PLAC1: variants seen among roughly 807,000 people sequenced by gnomAD.
The protein encoded by PLAC1 is placenta-specific protein 1.
For missense variants in PLAC1, 136 were observed against 163.2 expected, an observed-to-expected ratio of 0.83 and a Z score of 0.91; for synonymous variants, 68 against 62.1, an observed-to-expected ratio of 1.09 and a Z score of -0.44.
At chrX:134,730,122 A>C (rs1013342994) in intron 2 of PLAC1, among the ~76,000 whole-genome samples, 8 of 111,967 alleles carry the variant, frequency 7.1e-5, no homozygotes, top group African/African-American at 2.6e-4. Flanking sequence ...ACACATGTGG[A>C]CAGCACATGA....
intron 1 of PLAC1, among the ~76,000 whole-genome samples, chrX:134,757,782 GTA>G (rs933465766): frequency 1.5e-4 from 16 of 109,728 alleles, no homozygotes; most frequent in Admixed American, 2.9e-4. Context: ...CATAAAATAT[GTA>G]TATATATATA....
intron 2 of PLAC1, among the ~76,000 whole-genome samples, chrX:134,574,013 G>A (rs1340090284): frequency 9.0e-6 from 1 of 110,617 alleles, no homozygotes; most frequent in East Asian, 2.8e-4. Context: ...AGTAGGTAAA[G>A]ATGCATTGCT....
chrX:134,656,387 C>T lies in PLAC1; in HGVS notation c.-131+1941G>A, dbSNP rs1336333221. Among the ~76,000 whole-genome samples, 28 of 110,987 alleles carry T rather than the reference C, an allele frequency of 2.5e-4. No homozygotes were observed. The Admixed American group carries it at 2.7e-3, about 11-fold the overall frequency. Reference sequence around the variant, plus strand: ...CTCTCAAGTTTGACCAGCATTTGCCCACAGAGCTCCCACCTTTTCTAGGGG... The same window carrying T: ...CTCTCAAGTTTGACCAGCATTTGCCTACAGAGCTCCCACCTTTTCTAGGGG... On this transcript the variant is annotated intron_variant, in intron 1 of 2. Transcript: ENST00000359237.
At chrX:134,636,359 C>T (rs1235418441) in intron 1 of PLAC1, among the ~76,000 whole-genome samples, 1 of 111,989 alleles carries the variant, frequency 8.9e-6, no homozygotes, top group Non-Finnish European at 1.9e-5. Context: ...ATGGCTTCCT[C>T]CAAGTCACCT....
At chrX:134,690,499 T>C (rs954136755) in intron 2 of PLAC1, among the ~76,000 whole-genome samples, 4 of 111,542 alleles carry the variant, frequency 3.6e-5, no homozygotes, top group Non-Finnish European at 7.5e-5. Context: ...GGGGATGACC[T>C]GGAAGTCTCT....
chrX:134,626,192 C>T (rs1049805277), intron 1 of PLAC1, among the ~76,000 whole-genome samples: 7 of 111,938 alleles, frequency 6.3e-5, no homozygotes, highest in South Asian at 3.8e-4. Context: ...GCCACCATGG[C>T]GACACCATCC....
chrX:134,599,091 G>GT (rs1251502839), intron 2 of PLAC1, among the ~76,000 whole-genome samples: 1 of 111,605 alleles, frequency 9.0e-6, no homozygotes, highest in African/African-American at 3.3e-5. Flanking sequence ...ATGGTAGGTG[G>GT]TTTTTTATGA....
chrX:134,676,347 C>T (rs1401527731), intron 2 of PLAC1, among the ~76,000 whole-genome samples: 2 of 110,998 alleles, frequency 1.8e-5, no homozygotes, highest in Non-Finnish European at 3.8e-5. Flanking sequence ...TAAGCTCCGC[C>T]GCACATACTG....
intron 2 of PLAC1, among the ~76,000 whole-genome samples, chrX:134,598,240 G>T (rs1360971854): frequency 8.9e-6 from 1 of 111,787 alleles, no homozygotes; most frequent in African/African-American, 3.2e-5. Context: ...GATCATACTC[G>T]TGTAGCTTGT....
At chrX:134,621,316 C>T (rs1406440646) in intron 1 of PLAC1, among the ~76,000 whole-genome samples, 2 of 107,886 alleles carry the variant, frequency 1.9e-5, no homozygotes, top group South Asian at 4.2e-4. Context: ...TGTGGTGGTG[C>T]GCAACTGTGA....
chrX:134,656,846 C>T (rs1222567154), intron 1 of PLAC1, among the ~76,000 whole-genome samples: 3 of 111,898 alleles, frequency 2.7e-5, no homozygotes, highest in South Asian at 3.7e-4. Flanking sequence ...CTCAGCTTCC[C>T]GAAGTGTTGG....
At chrX:134,706,907 G>A (rs2078606411) in intron 2 of PLAC1, among the ~76,000 whole-genome samples, 1 of 111,841 alleles carries the variant, frequency 8.9e-6, no homozygotes, top group Non-Finnish European at 1.9e-5. Context: ...AAATATGTAT[G>A]AACAGAGCCT....
intron 2 of PLAC1, among the ~76,000 whole-genome samples, chrX:134,573,831 C>G (rs1828146241): frequency 9.0e-6 from 1 of 111,383 alleles, no homozygotes; most frequent in Non-Finnish European, 1.9e-5. Context: ...CTTGTGCATG[C>G]CCCACCCAGA....
chrX:134,628,396 A>G (rs1319020946), intron 1 of PLAC1, among the ~76,000 whole-genome samples: 1 of 111,813 alleles, frequency 8.9e-6, no homozygotes, highest in Non-Finnish European at 1.9e-5. Flanking sequence ...GAGTTTCTCT[A>G]TATACTTTGA....
chrX:134,592,105 A>G (rs1266816306), intron 2 of PLAC1, among the ~76,000 whole-genome samples: 2 of 111,695 alleles, frequency 1.8e-5, no homozygotes, highest in African/African-American at 6.5e-5. Context: ...TTGTCTTTTC[A>G]TCTTCTTTCA....
intron 2 of PLAC1, among the ~76,000 whole-genome samples, chrX:134,589,726 C>CA (rs11319611): frequency 3.3e-3 from 244 of 73,678 alleles, no homozygotes; most frequent in South Asian, 8.7e-3. Flanking sequence ...GACTCTGTCT[C>CA]AAAAAAAAAA....
chrX:134,569,739 A>AGTGTGTGTGTGTGTGTGT (rs749953575), intron 2 of PLAC1, among the ~76,000 whole-genome samples: 3 of 72,167 alleles, frequency 4.2e-5, no homozygotes, highest in African/African-American at 9.9e-5. Context: ...AGGGTAGAGT[A>AGTGTGTGTGTGTGTGTGT]GTGTGTGTGT....
chrX:134,730,563 G>A (rs1238915205), intron 2 of PLAC1, among the ~76,000 whole-genome samples: 1 of 110,936 alleles, frequency 9.0e-6, no homozygotes, highest in East Asian at 2.8e-4. Context: ...TCCCGCCTCA[G>A]CCTCCCAAGT....
chrX:134,630,670 C>T (rs915753264), intron 1 of PLAC1, among the ~76,000 whole-genome samples: 1 of 111,755 alleles, frequency 8.9e-6, no homozygotes, highest in African/African-American at 3.3e-5. Context: ...CTAAGTAGGG[C>T]TGAATACATG....
Sources: gnomAD v4.1 joint callset for allele counts (sites outside exome capture counted in the v4.1 genomes callset) on GRCh38, gnomAD v4.1.1 for gene constraint, MANE v1.5 for transcripts, NCBI Gene and HGNC (gene_info 2026-07-23, HGNC 2026-07-21) for gene names.